Variants in RABGAP1L observed in about 807,000 individuals in gnomAD.
RABGAP1L encodes the protein RAB GTPase activating protein 1 like, also known as rab GTPase-activating protein 1-like.
In RABGAP1L, 63 loss-of-function variants were observed where a neutral mutation model predicts 137.7. That is an observed-to-expected ratio of 0.46 (90% CI 0.37 to 0.56). The LOEUF (loss-of-function observed/expected upper bound fraction) is 0.56. RABGAP1L is among the 20% of genes least tolerant of loss of function. RABGAP1L has a pLI of 0.00. For missense variants in RABGAP1L, 1,095 were observed against 1,244.0 expected, an observed-to-expected ratio of 0.88 and a Z score of 1.80; for synonymous variants, 431 against 433.7, an observed-to-expected ratio of 0.99 and a Z score of 0.08.
At chr1:174,651,239 A>G (rs944016588) in intron 14 of RABGAP1L, among the ~76,000 whole-genome samples, 1 of 151,910 alleles carries the variant, frequency 6.6e-6, no homozygotes, top group African/African-American at 2.4e-5. Context: ...TTTGCTGAGG[A>G]GAGCTTTACT....
intron 11 of RABGAP1L, among the ~76,000 whole-genome samples, chr1:174,346,639 TAGTC>T (rs1682457188): frequency 1.3e-5 from 2 of 152,148 alleles, no homozygotes; most frequent in East Asian, 1.9e-4. Flanking sequence ...TTTTTTTTCT[TAGTC>T]TGTATAAAGT....
chr1:174,369,650 C>T (rs1383901977), intron 11 of RABGAP1L, among the ~76,000 whole-genome samples: 1 of 152,172 alleles, frequency 6.6e-6, no homozygotes, highest in Non-Finnish European at 1.5e-5. Context: ...TTTCTATTTA[C>T]ATTACTTCTA....
chr1:174,854,953 G>A (rs1434949441), intron 19 of RABGAP1L, among the ~76,000 whole-genome samples: 2 of 151,524 alleles, frequency 1.3e-5, no homozygotes, highest in Admixed American at 1.3e-4. Flanking sequence ...GGCCAGGCTG[G>A]TCTCGAACTC....
intron 19 of RABGAP1L, among the ~76,000 whole-genome samples, chr1:174,890,693 A>G (rs889775786): frequency 2.6e-5 from 4 of 151,818 alleles, no homozygotes; most frequent in Admixed American, 6.6e-5. Flanking sequence ...ATACATGCAA[A>G]CAAATTTATA....
chr1:174,299,013 G>C (rs1558111163), intron 10 of RABGAP1L, among the ~76,000 whole-genome samples: 1 of 152,226 alleles, frequency 6.6e-6, no homozygotes, highest in African/African-American at 2.4e-5. Context: ...GCAAATATAA[G>C]TTTTGAAACG....
chr1:174,961,317 A>G (rs1396863605), intron 20 of RABGAP1L, among the ~76,000 whole-genome samples: 1 of 152,224 alleles, frequency 6.6e-6, no homozygotes, highest in African/African-American at 2.4e-5. Context: ...GTTTTAGTAT[A>G]TTTTAGAAAC....
chr1:174,957,872 A>G (rs1183711125), intron 20 of RABGAP1L: 2 of 1,563,698 alleles, frequency 1.3e-6, no homozygotes, highest in Non-Finnish European at 1.7e-6. Flanking sequence ...AGCCAACCAT[A>G]ATATTTCTTT....
At chr1:174,946,978 GTGTATATATA>G (rs1219208831) in intron 19 of RABGAP1L, among the ~76,000 whole-genome samples, 1 of 105,872 alleles carries the variant, frequency 9.4e-6, no homozygotes, top group East Asian at 2.5e-4. Context: ...GTGTGTGTGT[GTGTATATATA>G]TGTATATATA....
At chr1:174,587,974 C>G (rs940545255) in intron 13 of RABGAP1L, among the ~76,000 whole-genome samples, 1 of 152,178 alleles carries the variant, frequency 6.6e-6, no homozygotes, top group Non-Finnish European at 1.5e-5. Context: ...AGTGATTCTT[C>G]TGCCTCAGCC....
chr1:174,196,296 T>C (rs549218543), intron 1 of RABGAP1L, among the ~76,000 whole-genome samples: 1 of 151,378 alleles, frequency 6.6e-6, no homozygotes, highest in Admixed American at 6.6e-5. Flanking sequence ...CGATCTTGGC[T>C]CACTGCAAGC....
intron 13 of RABGAP1L, chr1:174,547,837 C>T: frequency 1.3e-6 from 2 of 1,519,494 alleles, no homozygotes; most frequent in South Asian, 1.2e-5. Flanking sequence ...TGTCTTTTAG[C>T]AACAGATGAA....
At chr1:174,771,379 C>A (rs1182612290) in intron 18 of RABGAP1L, among the ~76,000 whole-genome samples, 2 of 152,006 alleles carry the variant, frequency 1.3e-5, no homozygotes, top group Non-Finnish European at 2.9e-5. Context: ...CTTATATAAC[C>A]ATTTCAGTCC....
chr1:174,613,428 G>T (rs1671465536), intron 13 of RABGAP1L, among the ~76,000 whole-genome samples: 1 of 152,056 alleles, frequency 6.6e-6, no homozygotes, highest in Non-Finnish European at 1.5e-5. Flanking sequence ...GAGACAGTTT[G>T]TTTTAATTTC....
rs1259614242 is a variant in RABGAP1L at position 174,190,317 on chromosome 1, AAAG to A, written c.-33-28805_-33-28803del. ...ACTCCGTTGCAAAAAAAAAAAAAAA[AAAG>A]AAAGAAAGAAAGAAAGAAGGCTCTC... On this transcript the variant is annotated intron_variant, in intron 1 of 25. Coordinates refer to ENST00000681986, the MANE Select transcript of RABGAP1L (RefSeq NM_001366446.1). Among the ~76,000 whole-genome samples the A allele has an allele frequency of 3.3e-3, 481 of 147,148 alleles. 2 individuals carry two copies. The highest frequency in any genetic ancestry group is 0.01 in the African/African-American group (389 of 37,756).
chr1:174,202,672 A>T (rs1456078906), intron 1 of RABGAP1L, among the ~76,000 whole-genome samples: 7 of 151,836 alleles, frequency 4.6e-5, no homozygotes, highest in African/African-American at 1.7e-4. Flanking sequence ...CCCATTTGTC[A>T]ATTTTGGCTT....
chr1:174,848,984 C>T (rs1435102033), intron 19 of RABGAP1L, among the ~76,000 whole-genome samples: 3 of 152,000 alleles, frequency 2.0e-5, no homozygotes, highest in Non-Finnish European at 4.4e-5. Flanking sequence ...GGGAGTGACC[C>T]GATTTTCCAG....
chr1:174,638,037 G>T (rs978077965), intron 14 of RABGAP1L, among the ~76,000 whole-genome samples: 47 of 152,014 alleles, frequency 3.1e-4, no homozygotes, highest in African/African-American at 1.1e-3. Flanking sequence ...TGCTCTGCTT[G>T]GATACAGAAG....
At chr1:174,651,781 C>G (rs975667363) in intron 14 of RABGAP1L, among the ~76,000 whole-genome samples, 8 of 152,186 alleles carry the variant, frequency 5.3e-5, no homozygotes, top group Non-Finnish European at 7.3e-5. Flanking sequence ...GGTCTTGACT[C>G]TTTATCCAAT....
At chr1:174,437,047 T>C (rs1198057068) in intron 13 of RABGAP1L, among the ~76,000 whole-genome samples, 1 of 152,144 alleles carries the variant, frequency 6.6e-6, no homozygotes, top group African/African-American at 2.4e-5. Flanking sequence ...AGAAAGGACA[T>C]CCACACCAAA....
Sources: allele counts gnomAD v4.1 joint callset (sites outside exome capture counted in the v4.1 genomes callset), GRCh38; gene constraint gnomAD v4.1.1; transcripts MANE v1.5; gene names NCBI Gene and HGNC (gene_info 2026-07-23, HGNC 2026-07-21).